Variants in JAZF1 observed in about 807,000 individuals in gnomAD.
JAZF1 encodes the protein juxtaposed with another zinc finger protein 1.
Under a neutral mutation model 26.4 loss-of-function variants are expected in JAZF1, and 8 were observed. The ratio of observed to expected loss-of-function variants is 0.30; its 90% CI spans 0.18 to 0.55. The LOEUF is 0.55. Ranked by LOEUF, JAZF1 falls within the 20% of genes least tolerant of loss-of-function variation. JAZF1 has a pLI of 0.94. For missense variants in JAZF1, 199 were observed against 322.0 expected, an observed-to-expected ratio of 0.62 and a Z score of 2.92; for synonymous variants, 126 against 122.3, an observed-to-expected ratio of 1.03 and a Z score of -0.20.
intron 3 of JAZF1, among the ~76,000 whole-genome samples, chr7:27,847,684 C>T (rs10951183): frequency 0.3 from 46,172 of 151,864 alleles, 7,423 homozygotes; most frequent in Middle Eastern, 0.34. Context: ...AATTTTTATT[C>T]TGAGATGGAG....
Position 28,000,641 on chromosome 7 carries a change from G to C in JAZF1, c.116-8660C>G, listed in dbSNP as rs1055117026. Among the ~76,000 whole-genome samples, 20 of 67,298 alleles carry C rather than the reference G, an allele frequency of 3.0e-4. No individual in the cohort carries two copies. In the South Asian group the frequency reaches 3.4e-3, roughly 11 times the overall value. The allele number at this position is 67,298 out of a possible 152,430, so 44.2% of individuals were successfully genotyped here. ...TTCTTTCTTTTTTTTTTTTTTTTTTGAGACAAGAGTCTCACTCTATCACCC... is the reference window on the plus strand; with the variant it reads ...TTCTTTCTTTTTTTTTTTTTTTTTTCAGACAAGAGTCTCACTCTATCACCC... On this transcript the variant is annotated intron_variant, in intron 1 of 4. Coordinates refer to ENST00000283928, the MANE Select transcript of JAZF1 (RefSeq NM_175061.4).
intron 2 of JAZF1, among the ~76,000 whole-genome samples, chr7:27,960,999 C>T (rs1785176658): frequency 6.6e-6 from 1 of 152,172 alleles, no homozygotes; most frequent in African/African-American, 2.4e-5. Flanking sequence ...CAAATGGAGT[C>T]AATCAAACCT....
At chr7:28,094,592 A>G (rs1386661434) in intron 1 of JAZF1, among the ~76,000 whole-genome samples, 2 of 152,076 alleles carry the variant, frequency 1.3e-5, no homozygotes, top group Non-Finnish European at 2.9e-5. Flanking sequence ...GCAGCCATTT[A>G]TCTTACAGGA....
At chr7:27,889,817 C>T (rs1041952586) in intron 3 of JAZF1, among the ~76,000 whole-genome samples, 1 of 151,946 alleles carries the variant, frequency 6.6e-6, no homozygotes, top group African/African-American at 2.4e-5. Context: ...CCTGTATTCC[C>T]AGCTACTTGG....
chr7:28,019,610 A>G (rs1782968817), intron 1 of JAZF1, among the ~76,000 whole-genome samples: 1 of 151,992 alleles, frequency 6.6e-6, no homozygotes, highest in Non-Finnish European at 1.5e-5. Context: ...CTGAATTTAC[A>G]TGTCTTTTCC....
At chr7:27,927,897 C>T (rs1784625501) in intron 2 of JAZF1, among the ~76,000 whole-genome samples, 1 of 152,058 alleles carries the variant, frequency 6.6e-6, no homozygotes, top group African/African-American at 2.4e-5. Flanking sequence ...TTTTCAGGAA[C>T]CCTATGATGA....
At chr7:28,122,072 G>A (rs62449929) in intron 1 of JAZF1, among the ~76,000 whole-genome samples, 16,790 of 152,204 alleles carry the variant, frequency 0.11, 1,234 homozygotes, top group Non-Finnish European at 0.16. Context: ...AAGAGGCCTT[G>A]TTTATTTCTG....
intron 1 of JAZF1, among the ~76,000 whole-genome samples, chr7:28,009,191 C>A (rs905204633): frequency 1.3e-5 from 2 of 151,688 alleles, no homozygotes; most frequent in Non-Finnish European, 2.9e-5. Flanking sequence ...GATACTGCGT[C>A]TTCATTTCTA....
chr7:27,959,784 C>T (rs1490452372), intron 2 of JAZF1, among the ~76,000 whole-genome samples: 1 of 151,924 alleles, frequency 6.6e-6, no homozygotes, highest in Admixed American at 6.6e-5. Flanking sequence ...CCTGTAATCC[C>T]AACTACTTGG....
intron 1 of JAZF1, among the ~76,000 whole-genome samples, chr7:28,163,824 C>G (rs1783326777): frequency 6.6e-6 from 1 of 152,184 alleles, no homozygotes; most frequent in African/African-American, 2.4e-5. Context: ...TATCTCTGTA[C>G]TAAACATCAA....
chr7:28,042,664 C>T lies in JAZF1; in HGVS notation c.116-50683G>A, dbSNP rs76182341. 0.026 allele frequency among the ~76,000 whole-genome samples: 4,011 copies of T among 152,202 alleles called. 306 individuals are homozygous for T. In the East Asian group the frequency reaches 0.31, roughly 12 times the overall value. On this transcript the variant is annotated intron_variant, in intron 1 of 4. Coordinates refer to ENST00000283928, the MANE Select transcript of JAZF1 (RefSeq NM_175061.4). ...CAACATTTTGGTCAATGATGGAACACTTACGTGATGGTGGTCCCATAAGGT... is the reference window on the plus strand; with the variant it reads ...CAACATTTTGGTCAATGATGGAACATTTACGTGATGGTGGTCCCATAAGGT...
At chr7:27,931,711 G>A (rs902920567) in intron 2 of JAZF1, among the ~76,000 whole-genome samples, 2 of 152,078 alleles carry the variant, frequency 1.3e-5, no homozygotes, top group East Asian at 1.9e-4. Context: ...CCAGCTACTC[G>A]GGAGGCTGAG....
chr7:27,881,287 T>G (rs1434295732), intron 3 of JAZF1, among the ~76,000 whole-genome samples: 1 of 152,204 alleles, frequency 6.6e-6, no homozygotes, highest in Non-Finnish European at 1.5e-5. Flanking sequence ...ATCCCCTTGG[T>G]AGCTCACTCA....
chr7:27,856,268 G>T (rs1312498531), intron 3 of JAZF1, among the ~76,000 whole-genome samples: 1 of 152,168 alleles, frequency 6.6e-6, no homozygotes. Flanking sequence ...TCTTAAGGCG[G>T]CACATCTGCA....
intron 1 of JAZF1, among the ~76,000 whole-genome samples, chr7:28,021,609 G>A (rs913594136): frequency 1.3e-5 from 2 of 152,188 alleles, no homozygotes; most frequent in African/African-American, 2.4e-5. Context: ...GTGGACGTAG[G>A]ACAAACAAAG....
chr7:27,902,296 A>G (rs1784178378), intron 2 of JAZF1, among the ~76,000 whole-genome samples: 1 of 152,260 alleles, frequency 6.6e-6, no homozygotes, highest in African/African-American at 2.4e-5. Flanking sequence ...AGACATTTTA[A>G]TATAAATATC....
intron 1 of JAZF1, among the ~76,000 whole-genome samples, chr7:28,048,071 T>C (rs1783527550): frequency 6.6e-6 from 1 of 152,104 alleles, no homozygotes; most frequent in Non-Finnish European, 1.5e-5. Context: ...CAGAAAGAAT[T>C]AGATGGTTGG....
chr7:27,901,035 GTTTTTCCTTCTAACA>G (rs1453225612), intron 2 of JAZF1, among the ~76,000 whole-genome samples: 3 of 150,854 alleles, frequency 2.0e-5, no homozygotes, highest in Admixed American at 1.3e-4. Flanking sequence ...ATATTTTAGG[GTTTTTCCTTCTAACA>G]TTTTTCTACA....
rs549258425 is a variant in JAZF1, at chr7:28,154,339, G to A, written c.115+26124C>T. The stretch of plus-strand genomic sequence containing the variant: ...AGCATGGCAGAGGGCCACTGTCAGG[G>A]TCCCTACAGAAGTCTCCAATGGGTA... On this transcript the variant is annotated intron_variant, in intron 1 of 4. Coordinates refer to ENST00000283928, the MANE Select transcript of JAZF1 (RefSeq NM_175061.4). Among the ~76,000 whole-genome samples the A allele has an allele frequency of 4.1e-4, 63 of 152,280 alleles. 1 individual carries two copies. The highest frequency in any genetic ancestry group is 1.4e-3 in the African/African-American group (59 of 41,560).
Sources: allele counts gnomAD v4.1 joint callset (sites outside exome capture counted in the v4.1 genomes callset), GRCh38; gene constraint gnomAD v4.1.1; transcripts MANE v1.5; gene names NCBI Gene and HGNC (gene_info 2026-07-23, HGNC 2026-07-21).